Variants in DOP1B observed in about 807,000 individuals in gnomAD.
DOP1B encodes DOP1 leucine zipper like protein B.
DOP1B carries 174 observed loss-of-function variants against 233.5 expected under a neutral mutation model. That is an observed-to-expected ratio of 0.75 (90% CI 0.66 to 0.85). The LOEUF (loss-of-function observed/expected upper bound fraction) is 0.85. Ranked by LOEUF, DOP1B falls within the 40% of genes least tolerant of loss-of-function variation. The pLI is 0.00. For missense variants in DOP1B, 2,652 were observed against 2,846.6 expected, an observed-to-expected ratio of 0.93 and a Z score of 1.56; for synonymous variants, 1,190 against 1,185.6, an observed-to-expected ratio of 1.00 and a Z score of -0.08.
rs1439470491 is a variant in DOP1B, at chr21:36,288,742, C to G, written c.6298-14C>G. On this transcript the variant is annotated splice_polypyrimidine_tract_variant and intron_variant, in intron 33 of 36. Coordinates refer to ENST00000691173, the MANE Select transcript of DOP1B (RefSeq NM_001320714.2). ...TCTGTCTCAGATAGTAACTTGAATG[C>G]ATTTTTTTTTCAGATTCAGACATTC... The G allele has an allele frequency of 6.7e-7, 1 of 1,501,870 alleles. No individual in the cohort carries two copies. Among genetic ancestry groups the G allele is most frequent in the Non-Finnish European group, 9.2e-7 (1 of 1,088,322 alleles). The allele number at this position is 1,501,870 out of a possible 1,614,324, so 93.0% of individuals were successfully genotyped here.
At chr21:36,218,792 G>C (rs79066282) in intron 9 of DOP1B, among the ~76,000 whole-genome samples, 1 of 152,280 alleles carries the variant, frequency 6.6e-6, no homozygotes, top group Non-Finnish European at 1.5e-5. Context: ...TCCCCTGCCT[G>C]GTTGCAGGGA....
intron 4 of DOP1B, among the ~76,000 whole-genome samples, chr21:36,201,086 G>A (rs771924217): frequency 9.9e-5 from 15 of 152,132 alleles, no homozygotes; most frequent in Non-Finnish European, 1.6e-4. Context: ...GTCCTGTCCC[G>A]TTACGGAGTT....
rs372247111 is a variant in DOP1B at position 36,170,794 on chromosome 21, C to T, written c.138+5923C>T. On this transcript the variant is annotated intron_variant, in intron 2 of 36. Transcript: ENST00000691173. ...GTAGTGCTGAGTGACAGAACAAAAC[C>T]CTGTTTCAAAAAAAAAAAAAAAGAC... Among the ~76,000 whole-genome samples, 10 of 149,910 alleles carry T rather than the reference C, an allele frequency of 6.7e-5. No homozygotes were observed. The South Asian group carries it at 1.3e-3, about 19-fold the overall frequency.
Position 36,288,965 on chromosome 21 carries a change from TCTG to T in DOP1B, c.6354-79_6354-77del, listed in dbSNP as rs2067521061. On this transcript the variant is annotated intron_variant, in intron 34 of 36. Transcript: ENST00000691173. Reference sequence around the variant, plus strand: ...AAAAATTTCTTAAAAAGAAAATTCTTCTGAGGGACAGGTCATAGGTGAATGGAC... The same window carrying T: ...AAAAATTTCTTAAAAAGAAAATTCTTAGGGACAGGTCATAGGTGAATGGAC... 53 of 1,550,278 alleles carry T rather than the reference TCTG, an allele frequency of 3.4e-5. No homozygotes were observed. The South Asian group carries it at 4.2e-4, about 12-fold the overall frequency.
At chr21:36,163,151 C>A (rs911602634) in intron 1 of DOP1B, among the ~76,000 whole-genome samples, 8 of 151,872 alleles carry the variant, frequency 5.3e-5, no homozygotes, top group African/African-American at 1.9e-4. Flanking sequence ...TCAAGACCAG[C>A]CTGACCAACA....
chr21:36,225,491 A>G, intron 11 of DOP1B, 74 bp from the exon 12 acceptor site: 1 of 1,550,438 alleles, frequency 6.4e-7, no homozygotes, highest in Non-Finnish European at 8.9e-7. Context: ...TCGGCCTCCC[A>G]AAGTGTTAAG....
intron 23 of DOP1B, among the ~76,000 whole-genome samples, chr21:36,254,144 G>T (rs567647582): frequency 1.9e-4 from 29 of 152,068 alleles, no homozygotes; most frequent in African/African-American, 6.5e-4. Context: ...CTCATTCCTT[G>T]TACCCTGCTG....
intron 2 of DOP1B, among the ~76,000 whole-genome samples, chr21:36,187,040 T>C (rs2066172584): frequency 6.6e-6 from 1 of 151,914 alleles, no homozygotes; most frequent in South Asian, 2.1e-4. Context: ...CTGATAAAAA[T>C]GAGCTTCTGA....
chr21:36,173,571 A>G (rs1300003029), intron 2 of DOP1B, among the ~76,000 whole-genome samples: 1 of 151,632 alleles, frequency 6.6e-6, no homozygotes, highest in African/African-American at 2.4e-5. Flanking sequence ...ACAGGCGCCC[A>G]CCACCACACC....
intron 3 of DOP1B, 129 bp from the exon 4 acceptor site, chr21:36,200,202 A>G (rs2066344664): frequency 8.2e-7 from 1 of 1,225,610 alleles, no homozygotes; most frequent in Non-Finnish European, 1.1e-6. Context: ...TGTCATACCC[A>G]CACATCGAAA....
chr21:36,282,713 C>T (rs1205034564), intron 32 of DOP1B, among the ~76,000 whole-genome samples: 2 of 151,562 alleles, frequency 1.3e-5, no homozygotes, highest in South Asian at 2.1e-4. Context: ...CGGTGGCTCA[C>T]GCCTGTAATC....
At chr21:36,228,467 A>T (rs11702490) in intron 13 of DOP1B, among the ~76,000 whole-genome samples, 56,526 of 151,554 alleles carry the variant, frequency 0.37, 11,872 homozygotes, top group Non-Finnish European at 0.48. Flanking sequence ...TTCAAAAAAA[A>T]AAATAAATAA....
chr21:36,221,068 C>G (rs547998258), intron 10 of DOP1B, among the ~76,000 whole-genome samples: 14 of 152,116 alleles, frequency 9.2e-5, no homozygotes, highest in Admixed American at 4.6e-4. Flanking sequence ...GCCTCAGCCT[C>G]CCAAACTGCT....
In DOP1B at chr21:36,223,321, T is replaced by C; in HGVS notation, c.1341T>C (p.Tyr447=). Residue 447 remains tyrosine (Y), a synonymous_variant, in exon 11 of 37, where the codon TAT becomes TAC. Coordinates refer to ENST00000691173, the MANE Select transcript of DOP1B (RefSeq NM_001320714.2). ...TAAGCACAGACTTTCTCTGGGATTA[T>C]ATGACAAGGTGTTTTGAGGAATGCT... is the stretch of plus-strand genomic sequence containing the variant. ...TSLSTDFLWD[Y]MTRCFEECFR... 6.2e-7 allele frequency: 1 copy of C among 1,610,554 alleles called. No homozygotes were observed. Among genetic ancestry groups the C allele is most frequent in the South Asian group, 1.1e-5 (1 of 89,850 alleles).
At chr21:36,257,698 A>G (rs2067119226) in intron 23 of DOP1B, among the ~76,000 whole-genome samples, 1 of 151,452 alleles carries the variant, frequency 6.6e-6, no homozygotes, top group South Asian at 2.1e-4. Context: ...GTAGGTAGGT[A>G]GAGAGATGGA....
intron 1 of DOP1B, among the ~76,000 whole-genome samples, chr21:36,157,760 A>C (rs1049155458): frequency 6.6e-6 from 1 of 152,216 alleles, no homozygotes; most frequent in East Asian, 1.9e-4. Context: ...TGTGCTGTGG[A>C]CTAAGGATCA....
At chr21:36,257,824 G>GTTAGGTAGAT (rs2067122779) in intron 23 of DOP1B, among the ~76,000 whole-genome samples, 1 of 136,366 alleles carries the variant, frequency 7.3e-6, no homozygotes, top group South Asian at 2.6e-4. Flanking sequence ...GATAGATGTA[G>GTTAGGTAGAT]GTAGGTAGGT....
intron 18 of DOP1B, among the ~76,000 whole-genome samples, chr21:36,242,151 C>CATTATT (rs78154894): frequency 0.03 from 4,252 of 143,858 alleles, 133 homozygotes; most frequent in African/African-American, 0.076. Flanking sequence ...GTTCCTTGGG[C>CATTATT]ATTATTATTA....
rs556209763 is a variant in DOP1B, at chr21:36,240,560, C to G, written c.3067+605C>G. Among the ~76,000 whole-genome samples the G allele has an allele frequency of 7.9e-5, 12 of 152,290 alleles. No homozygotes were observed. In the East Asian group the frequency reaches 2.3e-3, roughly 29 times the overall value. ...GTAAGTGGTTTATTTTCTATCTGTG[C>G]TCTAAGATTCTTTTAGACTATAAAA... On this transcript the variant is annotated intron_variant, in intron 18 of 36. Transcript: ENST00000691173.
Sources: gnomAD v4.1 joint callset for allele counts (sites outside exome capture counted in the v4.1 genomes callset) on GRCh38, gnomAD v4.1.1 for gene constraint, MANE v1.5 for transcripts, NCBI Gene and HGNC (gene_info 2026-07-23, HGNC 2026-07-21) for gene names.